The following GSG1L variants were observed in gnomAD, a reference collection of about 807,000 sequenced individuals.
GSG1L encodes GSG1 like.
In GSG1L, 24 loss-of-function variants were observed where a neutral mutation model predicts 42.1. The ratio of observed to expected loss-of-function variants is 0.57; its 90% CI spans 0.41 to 0.80. GSG1L has a LOEUF of 0.80. GSG1L is among the 30% of genes least tolerant of loss of function. The pLI, the probability that GSG1L is intolerant of heterozygous loss-of-function variation, is 0.00. For missense variants in GSG1L, 445 were observed against 472.2 expected, an observed-to-expected ratio of 0.94 and a Z score of 0.53; for synonymous variants, 215 against 203.5, an observed-to-expected ratio of 1.06 and a Z score of -0.48.
At chr16:27,829,003 G>C (rs771698559) in intron 4 of GSG1L, 47 bp from the exon 5 acceptor site, 4 of 1,587,168 alleles carry the variant, frequency 2.5e-6, no homozygotes, top group Non-Finnish European at 3.4e-6. Flanking sequence ...GTGGGCAAGG[G>C]ACAGGAAAAA....
At chr16:27,892,141 G>A (rs2084135866) in intron 2 of GSG1L, among the ~76,000 whole-genome samples, 1 of 151,938 alleles carries the variant, frequency 6.6e-6, no homozygotes, top group Admixed American at 6.6e-5. Context: ...GGAATCTAAA[G>A]TCCCATTTTT....
chr16:28,052,174 T>C (rs1186117314), intron 1 of GSG1L, among the ~76,000 whole-genome samples: 1 of 151,956 alleles, frequency 6.6e-6, no homozygotes, highest in Non-Finnish European at 1.5e-5. Context: ...GATGGAGCTG[T>C]CTTTTGTTGA....
At chr16:27,894,206 G>T (rs191478212) in intron 2 of GSG1L, among the ~76,000 whole-genome samples, 27 of 152,324 alleles carry the variant, frequency 1.8e-4, no homozygotes, top group Admixed American at 6.5e-4. Flanking sequence ...CATACATGAA[G>T]CAGCCAGCCC....
chr16:28,012,584 C>CA (rs34111031), intron 1 of GSG1L, among the ~76,000 whole-genome samples: 105,960 of 149,274 alleles, frequency 0.71, 40,121 homozygotes, highest in South Asian at 0.84. Flanking sequence ...AAATTTTATA[C>CA]AAAAAAAAAA....
At chr16:27,983,006 C>T (rs1243791731) in intron 1 of GSG1L, among the ~76,000 whole-genome samples, 3 of 152,116 alleles carry the variant, frequency 2.0e-5, no homozygotes, top group African/African-American at 7.2e-5. Flanking sequence ...CCACCAGGAC[C>T]ACCTGTGCTG....
intron 1 of GSG1L, among the ~76,000 whole-genome samples, chr16:28,046,084 A>G (rs545328981): frequency 6.6e-6 from 1 of 152,330 alleles, no homozygotes; most frequent in South Asian, 2.1e-4. Flanking sequence ...AATGGGAAAA[A>G]TCATGTAGGA....
At chr16:27,951,156 G>A (rs1408422475) in intron 2 of GSG1L, among the ~76,000 whole-genome samples, 1 of 152,178 alleles carries the variant, frequency 6.6e-6, no homozygotes, top group Non-Finnish European at 1.5e-5. Flanking sequence ...CCCTGCCTCC[G>A]AGAATTAACT....
At position 27,789,279 on chromosome 16, in the gene GSG1L, TAATG is replaced by T. The variant is rs942302291; in HGVS notation, c.*2087_*2090del. ...AATAAATGGATAATGCAGAAATGGA[TAATG>T]GATGGATGGATGGTTGATGGATAAT... On this transcript the variant is annotated 3_prime_UTR_variant, in exon 7 of 7. Transcript: ENST00000447459. The T allele has an allele frequency of 6.6e-6, 1 of 152,046 alleles. No individual in the cohort carries two copies. Among genetic ancestry groups the T allele is most frequent in the Non-Finnish European group, 1.5e-5 (1 of 67,970 alleles). The allele number at this position is 152,046 out of a possible 1,614,324, so 9.4% of individuals were successfully genotyped here.
intron 1 of GSG1L, among the ~76,000 whole-genome samples, chr16:27,970,464 T>G (rs1367853840): frequency 6.6e-6 from 1 of 151,756 alleles, no homozygotes; most frequent in South Asian, 2.1e-4. Flanking sequence ...CCCAGCTACT[T>G]GGGAGGCTGA....
chr16:27,936,132 C>T (rs577863075), intron 2 of GSG1L, among the ~76,000 whole-genome samples: 7 of 151,736 alleles, frequency 4.6e-5, no homozygotes, highest in Admixed American at 2.6e-4. Context: ...CACAGTCGCA[C>T]AAGGAAAGAA....
intron 6 of GSG1L, among the ~76,000 whole-genome samples, chr16:27,796,118 C>CAGTA (rs2082815203): frequency 1.3e-5 from 2 of 152,174 alleles, no homozygotes; most frequent in African/African-American, 4.8e-5. Flanking sequence ...CCTGACCCTA[C>CAGTA]AGTAGCCCAG....
chr16:27,860,814 T>C (rs937702684), intron 3 of GSG1L, among the ~76,000 whole-genome samples: 2 of 152,170 alleles, frequency 1.3e-5, no homozygotes, highest in Non-Finnish European at 2.9e-5. Context: ...ACCAAGGACA[T>C]CACAGTCATG....
chr16:27,842,734 GA>G (rs1420056170), intron 4 of GSG1L, among the ~76,000 whole-genome samples: 5 of 152,154 alleles, frequency 3.3e-5, no homozygotes, highest in Non-Finnish European at 7.3e-5. Context: ...TAAAAGGATG[GA>G]ATTGAGCAGA....
chr16:27,997,735 T>A (rs879144106), intron 1 of GSG1L, among the ~76,000 whole-genome samples: 2 of 152,222 alleles, frequency 1.3e-5, no homozygotes, highest in East Asian at 3.9e-4. Flanking sequence ...AAGTGGTTTT[T>A]GGTTACATGG....
intron 3 of GSG1L, among the ~76,000 whole-genome samples, chr16:27,860,350 T>A (rs1466279708): frequency 6.6e-6 from 1 of 152,158 alleles, no homozygotes; most frequent in Non-Finnish European, 1.5e-5. Flanking sequence ...GCATAGTAGG[T>A]GCTCAGTAAA....
At chr16:27,872,356 C>A (rs2083831775) in intron 3 of GSG1L, among the ~76,000 whole-genome samples, 1 of 152,192 alleles carries the variant, frequency 6.6e-6, no homozygotes, top group African/African-American at 2.4e-5. Context: ...CTACATGGAC[C>A]AGTCTAATAG....
intron 2 of GSG1L, among the ~76,000 whole-genome samples, chr16:27,936,723 C>G (rs1018926922): frequency 4.6e-5 from 7 of 152,182 alleles, no homozygotes. Context: ...TCCTCTGGCT[C>G]AAAGTCATCC....
intron 1 of GSG1L, among the ~76,000 whole-genome samples, chr16:27,971,249 C>A (rs183240268): frequency 7.6e-4 from 115 of 152,260 alleles, no homozygotes; most frequent in Middle Eastern, 3.4e-3. Flanking sequence ...GTATTGCCGT[C>A]TTAAAATATT....
rs760210383 is a variant in GSG1L at position 27,933,585 on chromosome 16, G to T, written c.397+29571C>A. On this transcript the variant is annotated intron_variant, in intron 2 of 6. Transcript: ENST00000447459. ...GATTGCTTGAGTCCAGGAGTTCTAG[G>T]TTACAGTGAGCTATGATCATACTAC... 1.1e-4 allele frequency among the ~76,000 whole-genome samples: 16 copies of T among 140,108 alleles called. No individual in the cohort carries two copies. In the Admixed American group the frequency reaches 1.3e-3, roughly 11 times the overall value. 91.9% of individuals were successfully genotyped at this position (140,108 alleles called of 152,430 possible). A position where few individuals can be genotyped will look rare whatever the true frequency, so the allele number is the denominator to read the frequency against.
Sources: gnomAD v4.1 joint callset for allele counts (sites outside exome capture counted in the v4.1 genomes callset) on GRCh38, gnomAD v4.1.1 for gene constraint, MANE v1.5 for transcripts, NCBI Gene and HGNC (gene_info 2026-07-23, HGNC 2026-07-21) for gene names.